LRRC4C: variants seen among roughly 807,000 people sequenced by gnomAD.
The protein encoded by LRRC4C is leucine-rich repeat-containing protein 4C.
In LRRC4C, 5 loss-of-function variants were observed where a neutral mutation model predicts 33.6. The observed-to-expected ratio is 0.15, with a 90% CI of 0.08 to 0.31. The LOEUF (loss-of-function observed/expected upper bound fraction) is 0.31, where lower values mean the gene tolerates loss of function less well. LRRC4C is among the 10% of genes least tolerant of loss of function. LRRC4C has a pLI of 1.00. For missense variants in LRRC4C, 560 were observed against 796.7 expected (o/e 0.70, Z 3.58); for synonymous variants, 329 against 302.0 (o/e 1.09, Z -0.93).
intron 4 of LRRC4C, among the ~76,000 whole-genome samples, chr11:40,272,149 C>T (rs72891088): frequency 0.078 from 11,800 of 152,010 alleles, 572 homozygotes; most frequent in African/African-American, 0.13. Flanking sequence ...CATAAGAAAA[C>T]GGAAACTGTG....
At chr11:40,267,704 C>A (rs920403007) in intron 4 of LRRC4C, among the ~76,000 whole-genome samples, 2 of 152,100 alleles carry the variant, frequency 1.3e-5, no homozygotes, top group African/African-American at 4.8e-5. Flanking sequence ...CTGGGAGCCT[C>A]TTTGTGTATA....
intron 1 of LRRC4C, among the ~76,000 whole-genome samples, chr11:41,173,822 A>G (rs970460140): frequency 5.3e-5 from 8 of 152,162 alleles, no homozygotes; most frequent in Non-Finnish European, 7.4e-5. Context: ...TTAAATGTTT[A>G]TATTTTTATT....
chr11:40,115,519 A>C lies in LRRC4C; in HGVS notation c.774T>G (p.Ile258Met). ...GAAGGTTGTCAAAGGCATTCCGTTC[A>C]ATCACTTGAATCTGGGACTGTATCA... Reference protein sequence around the residue: ...LWMIQSQIQVIERNAFDNLQS... With the variant: ...LWMIQSQIQVMERNAFDNLQS... Residue 258 changes from isoleucine (I) to methionine (M), a missense_variant, in exon 7 of 7, where the codon ATT (isoleucine) becomes ATG (methionine). Around this residue, in one of 3 missense-constraint regions of LRRC4C, gnomAD observed 455 missense variants for 643.8 expected, o/e 0.71. Coordinates refer to ENST00000528697, the MANE Select transcript of LRRC4C (RefSeq NM_001258419.2). The surrounding 1 kb of genome is among the most constrained non-coding windows in gnomAD (Gnocchi z 6.7). 1 of 1,614,224 alleles carries C rather than the reference A, an allele frequency of 6.2e-7. No homozygotes were observed. The highest frequency in any genetic ancestry group is 8.5e-7 in the Non-Finnish European group (1 of 1,180,040).
At chr11:41,070,573 A>G (rs1185332448) in intron 1 of LRRC4C, among the ~76,000 whole-genome samples, 6 of 152,172 alleles carry the variant, frequency 3.9e-5, no homozygotes, top group Non-Finnish European at 8.8e-5. Flanking sequence ...ATGTACAATA[A>G]CAACAACAAC....
intron 3 of LRRC4C, among the ~76,000 whole-genome samples, chr11:40,626,371 A>G (rs933910087): frequency 6.6e-6 from 1 of 152,162 alleles, no homozygotes; most frequent in Non-Finnish European, 1.5e-5. Flanking sequence ...TATTGGTAGC[A>G]AAATACTATG....
intron 3 of LRRC4C, among the ~76,000 whole-genome samples, chr11:40,474,870 A>G (rs1024537755): frequency 1.4e-5 from 2 of 146,938 alleles, no homozygotes; most frequent in African/African-American, 5.0e-5. Flanking sequence ...GCAAATCGTC[A>G]TTAGATAAAT....
intron 2 of LRRC4C, among the ~76,000 whole-genome samples, chr11:40,675,564 C>T (rs1467974570): frequency 1.3e-5 from 2 of 152,098 alleles, no homozygotes; most frequent in Admixed American, 6.5e-5. Flanking sequence ...CTTCCCCTCT[C>T]ACAGCACTTT....
Position 40,295,374 on chromosome 11 carries a change from C to T in LRRC4C, c.-176+24254G>A, listed in dbSNP as rs543566231. On this transcript the variant is annotated intron_variant, in intron 4 of 6. Transcript: ENST00000528697. ...TAAATGTTCCTCTGTTTTGTATGCC[C>T]TAAGTGATGATCTTTGCACTGATTT... is the stretch of plus-strand genomic sequence containing the variant. Among the ~76,000 whole-genome samples the T allele has an allele frequency of 1.4e-4, 22 of 152,010 alleles. No homozygotes were observed. In the South Asian group the frequency reaches 4.6e-3, roughly 32 times the overall value.
chr11:40,957,722 G>C (rs1358613056), intron 1 of LRRC4C, among the ~76,000 whole-genome samples: 1 of 151,756 alleles, frequency 6.6e-6, no homozygotes, highest in Non-Finnish European at 1.5e-5. Flanking sequence ...TTTAAACCTA[G>C]TTGAGAAGAG....
intron 3 of LRRC4C, among the ~76,000 whole-genome samples, chr11:40,525,349 G>A (rs542382552): frequency 1.3e-5 from 2 of 152,224 alleles, no homozygotes; most frequent in Admixed American, 6.5e-5. Flanking sequence ...GGGAGGCTGA[G>A]GCAGGAGAAT....
At chr11:41,019,973 T>A (rs1185976489) in intron 1 of LRRC4C, among the ~76,000 whole-genome samples, 1 of 152,198 alleles carries the variant, frequency 6.6e-6, no homozygotes, top group Non-Finnish European at 1.5e-5. Flanking sequence ...AGGTTGCCTG[T>A]TCACTCTCAT....
At chr11:40,214,324 C>G (rs900935120) in intron 5 of LRRC4C, among the ~76,000 whole-genome samples, 5 of 152,108 alleles carry the variant, frequency 3.3e-5, no homozygotes, top group Non-Finnish European at 7.3e-5. Flanking sequence ...GGGATCCATT[C>G]TTGCGAGACT....
At chr11:40,915,212 A>G (rs1363598654) in intron 2 of LRRC4C, among the ~76,000 whole-genome samples, 1 of 152,102 alleles carries the variant, frequency 6.6e-6, no homozygotes, top group African/African-American at 2.4e-5. Context: ...GTTCATATGG[A>G]ACCAAAAAAG....
chr11:41,089,454 G>A (rs1313335706), intron 1 of LRRC4C, among the ~76,000 whole-genome samples: 2 of 151,944 alleles, frequency 1.3e-5, no homozygotes, highest in Non-Finnish European at 2.9e-5. Flanking sequence ...TTTGGCTTTG[G>A]TCCAGAAAAT....
intron 3 of LRRC4C, among the ~76,000 whole-genome samples, chr11:40,510,760 T>C (rs1413990225): frequency 6.6e-6 from 1 of 152,138 alleles, no homozygotes; most frequent in Non-Finnish European, 1.5e-5. Flanking sequence ...GGAAAACCAT[T>C]GCAGGACTTT....
intron 1 of LRRC4C, among the ~76,000 whole-genome samples, chr11:40,980,492 A>T (rs1171609552): frequency 1.3e-5 from 2 of 152,196 alleles, no homozygotes; most frequent in Non-Finnish European, 2.9e-5. Flanking sequence ...CATAGTCTGC[A>T]CTATACACCG....
chr11:40,446,287 A>G (rs1951632885), intron 3 of LRRC4C: 1 of 152,166 alleles, frequency 6.6e-6, no homozygotes, highest in Non-Finnish European at 1.5e-5. Flanking sequence ...GTTAAATTAC[A>G]GGCATCTAGA....
At chr11:41,336,443 A>G (rs889032474) in intron 1 of LRRC4C, among the ~76,000 whole-genome samples, 46 of 43,472 alleles carry the variant, frequency 1.1e-3, no homozygotes, top group African/African-American at 3.1e-3. Flanking sequence ...AAAGGTGGGG[A>G]AAAAAAAAAA....
At chr11:41,083,785 A>C (rs1444032516) in intron 1 of LRRC4C, among the ~76,000 whole-genome samples, 1 of 152,230 alleles carries the variant, frequency 6.6e-6, no homozygotes, top group Non-Finnish European at 1.5e-5. Context: ...TGTTGTGACA[A>C]GATGGCAAGG....
Sources: allele counts gnomAD v4.1 joint callset (sites outside exome capture counted in the v4.1 genomes callset), GRCh38; gene constraint gnomAD v4.1.1; regional missense constraint gnomAD v4.1.1; non-coding constraint Gnocchi (gnomAD v3.1); transcripts MANE v1.5; gene names NCBI Gene and HGNC (gene_info 2026-07-23, HGNC 2026-07-21).